Variants in PDIA5 observed in about 807,000 individuals in gnomAD.
The protein encoded by PDIA5 is protein disulfide-isomerase A5.
A neutral mutation model predicts 77.6 loss-of-function variants in PDIA5; 58 were observed. The ratio of observed to expected loss-of-function variants is 0.75; its 90% CI spans 0.61 to 0.93. PDIA5 has a LOEUF of 0.93. Among genes scored for constraint, PDIA5 ranks in the 40% least tolerant of loss-of-function variants. The pLI, the probability that PDIA5 is intolerant of heterozygous loss-of-function variation, is 0.00. For missense variants in PDIA5, 630 were observed against 647.7 expected, an observed-to-expected ratio of 0.97 and a Z score of 0.30; for synonymous variants, 250 against 252.1, an observed-to-expected ratio of 0.99 and a Z score of 0.08.
At chr3:123,087,911 G>A (rs1934183453) in intron 1 of PDIA5, among the ~76,000 whole-genome samples, 1 of 152,194 alleles carries the variant, frequency 6.6e-6, no homozygotes, top group Admixed American at 6.5e-5. Flanking sequence ...ATGCTCCTCA[G>A]TTTCCCCAGA....
At chr3:123,149,446 C>T (rs1041439565) in intron 13 of PDIA5, among the ~76,000 whole-genome samples, 4 of 152,122 alleles carry the variant, frequency 2.6e-5, no homozygotes, top group Non-Finnish European at 5.9e-5. Context: ...GTAGCCCTCT[C>T]CCCAGAAATA....
At chr3:123,094,114 G>C (rs570412691) in intron 3 of PDIA5, among the ~76,000 whole-genome samples, 1 of 152,320 alleles carries the variant, frequency 6.6e-6, no homozygotes, top group Admixed American at 6.5e-5. Context: ...TGTGAATTTC[G>C]ATGTGCTCAA....
At chr3:123,161,688 C>G (rs190482994) in intron 16 of PDIA5, 192 bp from the exon 17 acceptor site, 6 of 649,556 alleles carry the variant, frequency 9.2e-6, no homozygotes, top group Non-Finnish European at 1.6e-5. Context: ...CTCCAGATGC[C>G]GAGGGTTTTC....
intron 3 of PDIA5, among the ~76,000 whole-genome samples, chr3:123,092,929 A>G (rs934028807): frequency 6.6e-6 from 1 of 152,100 alleles, no homozygotes; most frequent in Admixed American, 6.5e-5. Context: ...CAAGCTGTCT[A>G]TGCCTTGGCT....
At chr3:123,157,065 GCCTTTT>G (rs1936037757) in intron 15 of PDIA5, among the ~76,000 whole-genome samples, 1 of 152,184 alleles carries the variant, frequency 6.6e-6, no homozygotes, top group South Asian at 2.1e-4. Flanking sequence ...TGGTGTTGTG[GCCTTTT>G]CCTGGGTTCA....
At chr3:123,157,459 A>T (rs1017424079) in intron 15 of PDIA5, among the ~76,000 whole-genome samples, 2 of 152,012 alleles carry the variant, frequency 1.3e-5, no homozygotes, top group Non-Finnish European at 2.9e-5. Context: ...CTCGTGAGGG[A>T]TCCAGGCCCA....
intron 1 of PDIA5, among the ~76,000 whole-genome samples, chr3:123,068,628 CT>C (rs1240653943): frequency 6.6e-6 from 1 of 152,226 alleles, no homozygotes; most frequent in Non-Finnish European, 1.5e-5. Flanking sequence ...TTTCCCCTCC[CT>C]TTTGTGAAAA....
intron 16 of PDIA5, 145 bp from the exon 17 acceptor site, chr3:123,161,735 C>T (rs76082256): frequency 5.7e-6 from 4 of 702,292 alleles, no homozygotes; most frequent in South Asian, 1.6e-5. Flanking sequence ...GCCACGCAGA[C>T]CCTCTCCACC....
At chr3:123,161,568 G>A in intron 16 of PDIA5, 113 bp downstream of exon 16, 1 of 1,183,052 alleles carries the variant, frequency 8.5e-7, no homozygotes, top group Non-Finnish European at 1.2e-6. Flanking sequence ...GAAGTCAGCT[G>A]GAACACTGCA....
intron 5 of PDIA5, among the ~76,000 whole-genome samples, chr3:123,106,164 C>T (rs1934726362): frequency 6.6e-6 from 1 of 152,228 alleles, no homozygotes; most frequent in Admixed American, 6.5e-5. Context: ...GCCCTGGGGG[C>T]TTCCCAGCCT....
chr3:123,155,002 C>T lies in PDIA5; in HGVS notation c.1305C>T (p.His435=), dbSNP rs1258255351. 3 of 1,612,762 alleles carry T rather than the reference C, an allele frequency of 1.9e-6. No individual in the cohort carries two copies. The highest frequency in any genetic ancestry group is 2.5e-6 in the Non-Finnish European group (3 of 1,178,850). The change falls in exon 15 of 17, where the codon CAC becomes CAT. Residue 435 remains histidine (H), a synonymous_variant. Coordinates refer to ENST00000316218, the MANE Select transcript of PDIA5 (RefSeq NM_006810.4). ...WCPHCKKVIP[H]FTATADAFKD... ...CACACTGTAAGAAGGTCATTCCGCACTTTACTGCTACTGCTGATGCCTTCA... is the reference window on the plus strand; with the variant it reads ...CACACTGTAAGAAGGTCATTCCGCATTTTACTGCTACTGCTGATGCCTTCA...
chr3:123,100,226 C>A (rs1934548474), intron 3 of PDIA5, among the ~76,000 whole-genome samples: 1 of 152,252 alleles, frequency 6.6e-6, no homozygotes, highest in Non-Finnish European at 1.5e-5. Context: ...GGAAAGGGCA[C>A]CTCGTTCGCA....
intron 1 of PDIA5, among the ~76,000 whole-genome samples, chr3:123,088,032 T>C (rs1934186295): frequency 2.0e-5 from 3 of 152,108 alleles, no homozygotes; most frequent in South Asian, 2.1e-4. Flanking sequence ...GATCTCAAGG[T>C]TCAGTTTGTA....
intron 7 of PDIA5, among the ~76,000 whole-genome samples, chr3:123,113,985 T>A (rs1330258680): frequency 6.6e-6 from 1 of 152,184 alleles, no homozygotes; most frequent in Admixed American, 6.5e-5. Flanking sequence ...CCAGCCCTAT[T>A]TTTGGTAAAG....
intron 2 of PDIA5, among the ~76,000 whole-genome samples, chr3:123,090,940 A>G (rs1934268542): frequency 6.6e-6 from 1 of 152,168 alleles, no homozygotes; most frequent in African/African-American, 2.4e-5. Context: ...TGTGACCTTC[A>G]GTGGGGCTTT....
At chr3:123,144,207 T>G (rs1935706641) in intron 11 of PDIA5, among the ~76,000 whole-genome samples, 2 of 152,190 alleles carry the variant, frequency 1.3e-5, no homozygotes, top group South Asian at 4.1e-4. Flanking sequence ...CTCCTCTGAT[T>G]ACACTGTTTG....
intron 1 of PDIA5, among the ~76,000 whole-genome samples, chr3:123,069,967 G>A (rs1933681651): frequency 6.6e-6 from 1 of 151,940 alleles, no homozygotes; most frequent in Non-Finnish European, 1.5e-5. Flanking sequence ...GCGGGCGCCT[G>A]TAGTCCCAGC....
chr3:123,085,733 C>T (rs539863235), intron 1 of PDIA5, among the ~76,000 whole-genome samples: 1 of 152,326 alleles, frequency 6.6e-6, no homozygotes, highest in Admixed American at 6.5e-5. Context: ...TGGGTGCCTA[C>T]CAGCCTCAGG....
chr3:123,080,817 G>T (rs184756595), intron 1 of PDIA5, among the ~76,000 whole-genome samples: 1 of 152,260 alleles, frequency 6.6e-6, no homozygotes, highest in African/African-American at 2.4e-5. Flanking sequence ...TTTCACCCAT[G>T]CAGAAGCCTG....
Sources: allele counts gnomAD v4.1 joint callset (sites outside exome capture counted in the v4.1 genomes callset), GRCh38; gene constraint gnomAD v4.1.1; transcripts MANE v1.5; gene names NCBI Gene and HGNC (gene_info 2026-07-23, HGNC 2026-07-21).